HPCAL1: variants seen among roughly 807,000 people sequenced by gnomAD.
HPCAL1 encodes the protein hippocalcin-like protein 1.
In HPCAL1, 8 loss-of-function variants were observed where a neutral mutation model predicts 17.1. That is an observed-to-expected ratio of 0.47 (90% CI 0.27 to 0.84). The LOEUF (loss-of-function observed/expected upper bound fraction) is 0.84. Ranked by LOEUF, HPCAL1 falls within the 40% of genes least tolerant of loss-of-function variation. The pLI is 0.13. For missense variants in HPCAL1, 165 were observed against 271.1 expected (o/e 0.61, Z 2.75); for synonymous variants, 112 against 111.4 (o/e 1.01, Z -0.03).
At chr2:10,379,674 C>G (rs1388735893) in intron 1 of HPCAL1, among the ~76,000 whole-genome samples, 1 of 152,142 alleles carries the variant, frequency 6.6e-6, no homozygotes, top group Non-Finnish European at 1.5e-5. Context: ...ATCAGATTGG[C>G]TAAGGGTGCA....
Position 10,363,890 on chromosome 2 carries a change from T to G in HPCAL1, c.-110-32945T>G, listed in dbSNP as rs1426792901. 6.6e-6 allele frequency among the ~76,000 whole-genome samples: 1 copy of G among 152,230 alleles called. No homozygotes were observed. Among genetic ancestry groups the G allele is most frequent in the Admixed American group, 6.5e-5 (1 of 15,292 alleles). ...TGTTTTAGGCACTGTCGGGGTTGCCTGCCTTCTGGTAAGCGTTTAGTGCCC... is the reference window on the plus strand; with the variant it reads ...TGTTTTAGGCACTGTCGGGGTTGCCGGCCTTCTGGTAAGCGTTTAGTGCCC... On this transcript the variant is annotated intron_variant, in intron 1 of 4. Transcript: ENST00000307845. This position sits in a 1 kb window ranked among gnomAD's most constrained non-coding sequence, Gnocchi z 4.7.
Position 10,362,326 on chromosome 2 carries a change from A to G in HPCAL1, c.-110-34509A>G, listed in dbSNP as rs1666572812. Among the ~76,000 whole-genome samples the G allele has an allele frequency of 6.6e-6, 1 of 151,984 alleles. No individual in the cohort carries two copies. Among genetic ancestry groups the G allele is most frequent in the African/African-American group, 2.4e-5 (1 of 41,386 alleles). On this transcript the variant is annotated intron_variant, in intron 1 of 4. Transcript: ENST00000307845. This position sits in a 1 kb window ranked among gnomAD's most constrained non-coding sequence, Gnocchi z 5.0. The stretch of plus-strand genomic sequence containing the variant: ...GAGTGGCAGCATGGGGGGCGGGGGC[A>G]GGAGCATGGGGGACAACAGTCCAGG...
chr2:10,343,636 A>G lies in HPCAL1; in HGVS notation c.-111+40459A>G, dbSNP rs978469424. On this transcript the variant is annotated intron_variant, in intron 1 of 4. Transcript: ENST00000307845. This position sits in a 1 kb window ranked among gnomAD's most constrained non-coding sequence, Gnocchi z 4.8. Reference sequence around the variant, plus strand: ...CAAGCTGCCACTGCTTTGACTGCAGACACTGGATTGACCGTGGCCAATGCC... The same window carrying G: ...CAAGCTGCCACTGCTTTGACTGCAGGCACTGGATTGACCGTGGCCAATGCC... Among the ~76,000 whole-genome samples the G allele has an allele frequency of 1.3e-5, 2 of 152,244 alleles. No homozygotes were observed. Among genetic ancestry groups the G allele is most frequent in the Non-Finnish European group, 2.9e-5 (2 of 68,046 alleles).
Position 10,426,995 on chromosome 2 carries a change from C to T in HPCAL1, c.*174C>T, listed in dbSNP as rs370954432. ...GCCTCCCTCCTCCACCTGACCAACG[C>T]GACATTCCTCCCCTCACGCCTGGCC... is the stretch of plus-strand genomic sequence containing the variant. On this transcript the variant is annotated 3_prime_UTR_variant, in exon 5 of 5. Transcript: ENST00000307845. 459 of 611,620 alleles carry T rather than the reference C, an allele frequency of 7.5e-4. 3 individuals carry two copies. The African/African-American group carries it at 7.5e-3, about 10-fold the overall frequency. 37.9% of individuals were successfully genotyped at this position (611,620 alleles called of 1,614,324 possible).
chr2:10,382,974 A>C (rs974381727), intron 1 of HPCAL1, among the ~76,000 whole-genome samples: 1 of 152,154 alleles, frequency 6.6e-6, no homozygotes, highest in Non-Finnish European at 1.5e-5. Context: ...ACCACTCTCC[A>C]GGGCAGTGGT....
chr2:10,425,130 C>T (rs1671324515), intron 4 of HPCAL1: 1 of 158,180 alleles, frequency 6.3e-6, no homozygotes, highest in Admixed American at 6.0e-5. Flanking sequence ...CTGGCCTGCT[C>T]TCTCTCGGCC....
chr2:10,307,605 C>T (rs547380074), intron 1 of HPCAL1, among the ~76,000 whole-genome samples: 1 of 152,184 alleles, frequency 6.6e-6, no homozygotes, highest in East Asian at 1.9e-4. Context: ...GTCAACACGT[C>T]TCATCTACTC....
At chr2:10,426,219 G>C (rs1023294354) in intron 4 of HPCAL1, 4 of 152,760 alleles carry the variant, frequency 2.6e-5, no homozygotes, top group African/African-American at 9.7e-5. Flanking sequence ...TCTTTTTCTA[G>C]GTTTTCCTCT....
At chr2:10,396,742 C>T (rs564990325) in intron 1 of HPCAL1, 93 bp from the exon 2 acceptor site, 1 of 152,416 alleles carries the variant, frequency 6.6e-6, no homozygotes, top group Admixed American at 6.5e-5. Flanking sequence ...ACTGTGATCC[C>T]CCAGCAGGCA....
Position 10,331,097 on chromosome 2 carries a change from G to T in HPCAL1, c.-111+27920G>T, listed in dbSNP as rs1206799895. 2.0e-5 allele frequency among the ~76,000 whole-genome samples: 3 copies of T among 152,172 alleles called. No homozygotes were observed. Among genetic ancestry groups the T allele is most frequent in the Admixed American group, 6.5e-5 (1 of 15,278 alleles). ...CCCATCTGCTCTCCCGGCTGCAGGAGCGGTTTCTCTAAGCCTTGCAAGTGA... is the reference window on the plus strand; with the variant it reads ...CCCATCTGCTCTCCCGGCTGCAGGATCGGTTTCTCTAAGCCTTGCAAGTGA... On this transcript the variant is annotated intron_variant, in intron 1 of 4. Transcript: ENST00000307845. The surrounding 1 kb of genome is among the most constrained non-coding windows in gnomAD (Gnocchi z 5.0).
intron 1 of HPCAL1, among the ~76,000 whole-genome samples, chr2:10,379,098 CGGGCAGAT>C (rs1558501008): frequency 6.6e-6 from 1 of 151,974 alleles, no homozygotes; most frequent in Admixed American, 6.6e-5. Flanking sequence ...GAGGCCAAGA[CGGGCAGAT>C]CACTTGAGGT....
At position 10,304,781 on chromosome 2, in the gene HPCAL1, T is replaced by TG. The variant is rs1279065948; in HGVS notation, c.-111+1609dup. Among the ~76,000 whole-genome samples, 3 of 152,108 alleles carry TG rather than the reference T, an allele frequency of 2.0e-5. No homozygotes were observed. The highest frequency in any genetic ancestry group is 2.9e-5 in the Non-Finnish European group (2 of 68,034). On this transcript the variant is annotated intron_variant, in intron 1 of 4. Coordinates refer to ENST00000307845, the MANE Select transcript of HPCAL1 (RefSeq NM_002149.4). This position sits in a 1 kb window ranked among gnomAD's most constrained non-coding sequence, Gnocchi z 4.1. ...CCTTCATCGCCTTGGTGTCTTTCTC[T>TG]GGGGGAAAAAAATCGCCTTTAACCA... is the stretch of plus-strand genomic sequence containing the variant.
At chr2:10,412,780 C>A (rs563567111) in intron 2 of HPCAL1, among the ~76,000 whole-genome samples, 3 of 152,144 alleles carry the variant, frequency 2.0e-5, no homozygotes, top group Non-Finnish European at 4.4e-5. Flanking sequence ...ATTTTGGGGC[C>A]CCAGTTGCCC....
At chr2:10,405,707 A>G (rs2125599864) in intron 2 of HPCAL1, among the ~76,000 whole-genome samples, 1 of 152,318 alleles carries the variant, frequency 6.6e-6, no homozygotes, top group African/African-American at 2.4e-5. Flanking sequence ...GGCATGCCAA[A>G]TCACCAGGCG....
At chr2:10,316,249 C>T (rs184173863) in intron 1 of HPCAL1, among the ~76,000 whole-genome samples, 1 of 152,248 alleles carries the variant, frequency 6.6e-6, no homozygotes, top group Non-Finnish European at 1.5e-5. Flanking sequence ...ACGGCCCTGG[C>T]TTTTCCAGGA....
At chr2:10,381,021 C>T (rs1315732274) in intron 1 of HPCAL1, among the ~76,000 whole-genome samples, 1 of 152,242 alleles carries the variant, frequency 6.6e-6, no homozygotes. Flanking sequence ...AGTGTGGGAA[C>T]CGCTGGGGAT....
intron 1 of HPCAL1, among the ~76,000 whole-genome samples, chr2:10,341,367 C>T (rs1424417458): frequency 1.3e-5 from 2 of 152,096 alleles, no homozygotes; most frequent in Non-Finnish European, 2.9e-5. Flanking sequence ...GGGAGGATCA[C>T]CTGAGCCCAG....
intron 2 of HPCAL1, among the ~76,000 whole-genome samples, chr2:10,400,678 C>T (rs1021290422): frequency 6.6e-6 from 1 of 152,196 alleles, no homozygotes; most frequent in Non-Finnish European, 1.5e-5. Flanking sequence ...TGTGGTCGTC[C>T]CCTCCAGCCC....
At chr2:10,332,176 G>T (rs891752554) in intron 1 of HPCAL1, among the ~76,000 whole-genome samples, 5 of 152,152 alleles carry the variant, frequency 3.3e-5, no homozygotes, top group African/African-American at 1.2e-4. Flanking sequence ...CTTCAGAGGG[G>T]AAGTACCTCG....
Sources: gnomAD v4.1 joint callset for allele counts (sites outside exome capture counted in the v4.1 genomes callset) on GRCh38, gnomAD v4.1.1 for gene constraint, Gnocchi (gnomAD v3.1) non-coding constraint, MANE v1.5 for transcripts, NCBI Gene and HGNC (gene_info 2026-07-23, HGNC 2026-07-21) for gene names.